Variants in BPNT1 observed in about 807,000 individuals in gnomAD.
The protein encoded by BPNT1 is 3'(2'),5'-bisphosphate nucleotidase 1.
BPNT1 carries 28 observed loss-of-function variants against 36.9 expected under a neutral mutation model. The ratio of observed to expected loss-of-function variants is 0.76; its 90% confidence interval spans 0.56 to 1.04. BPNT1 has a LOEUF of 1.04. Among genes scored for constraint, BPNT1 ranks in the 50% least tolerant of loss-of-function variants. The probability of loss-of-function intolerance (pLI) is 0.00; values close to 1 mark genes in which losing one functional copy is unlikely to be tolerated. For missense variants in BPNT1, 313 were observed against 372.9 expected (o/e 0.84, Z 1.32); for synonymous variants, 119 against 130.9 (o/e 0.91, Z 0.62).
intron 1 of BPNT1, among the ~76,000 whole-genome samples, chr1:220,085,634 T>G (rs1355079510): frequency 6.6e-6 from 1 of 152,230 alleles, no homozygotes; most frequent in Non-Finnish European, 1.5e-5. Flanking sequence ...TAGGGCAGTG[T>G]TAAGGGCAAA....
chr1:220,073,635 G>T (rs1664280220), intron 3 of BPNT1, among the ~76,000 whole-genome samples: 2 of 152,046 alleles, frequency 1.3e-5, no homozygotes, highest in South Asian at 4.1e-4. Context: ...GGATAAGTAT[G>T]CAAATAAGCC....
chr1:220,063,551 T>C (rs1403499414), intron 6 of BPNT1, among the ~76,000 whole-genome samples: 1 of 152,192 alleles, frequency 6.6e-6, no homozygotes, highest in East Asian at 1.9e-4. Flanking sequence ...CTGAATTATC[T>C]AATGATCTCT....
At chr1:220,066,969 T>C (rs1228369711) in intron 6 of BPNT1, 3 of 152,308 alleles carry the variant, frequency 2.0e-5, no homozygotes, top group African/African-American at 7.2e-5. Flanking sequence ...AAGGAATAAA[T>C]TAAAAAATAT....
At chr1:220,063,071 G>A in intron 6 of BPNT1, 117 bp from the exon 7 acceptor site, 7 of 1,138,178 alleles carry the variant, frequency 6.2e-6, no homozygotes, top group Non-Finnish European at 8.8e-6. Context: ...CATGATAGCC[G>A]GGCGCGGTGG....
chr1:220,074,038 G>T lies in BPNT1; in HGVS notation c.154C>A (p.Arg52=), dbSNP rs975663071. The change falls in exon 3 of 9, where the codon CGA becomes AGA. Residue 52 remains arginine (R), a synonymous_variant. Transcript: ENST00000322067. ...CATDLQTKAD[R]LAQMSICSSL... is the part of the protein sequence containing the mutation. ...GAACATATGCTCATCTGTGCCAATC[G>T]GTCAGCTTTGGTCTGCAGGTCTGTT... The T allele has an allele frequency of 6.2e-7, 1 of 1,613,850 alleles. No homozygotes were observed. The highest frequency in any genetic ancestry group is 8.5e-7 in the Non-Finnish European group (1 of 1,179,970).
chr1:220,074,544 G>A (rs1418903162), intron 2 of BPNT1, among the ~76,000 whole-genome samples: 1 of 151,576 alleles, frequency 6.6e-6, no homozygotes, highest in Non-Finnish European at 1.5e-5. Flanking sequence ...TCACTGGGCT[G>A]GAGTACGGTG....
chr1:220,062,237 C>A (rs1663107109), intron 7 of BPNT1, among the ~76,000 whole-genome samples: 1 of 150,892 alleles, frequency 6.6e-6, no homozygotes, highest in African/African-American at 2.4e-5. Flanking sequence ...TGGTGTGCTG[C>A]ACCCATTAAC....
chr1:220,076,518 A>T (rs987795659), intron 2 of BPNT1, among the ~76,000 whole-genome samples: 1 of 145,532 alleles, frequency 6.9e-6, no homozygotes, highest in African/African-American at 2.6e-5. Flanking sequence ...AAAAAAAAAA[A>T]GGCAAAAAAA....
Position 220,057,877 on chromosome 1 carries a change from C to T in BPNT1, c.*967G>A. On this transcript the variant is annotated 3_prime_UTR_variant, in exon 9 of 9. Coordinates refer to ENST00000322067, the MANE Select transcript of BPNT1 (RefSeq NM_006085.6). Reference sequence around the variant, plus strand: ...AGTGAGATTCCAGAAAAAATTGTGCCCTAAAGAAATCTGGTTTAGGCCAGG... The same window carrying T: ...AGTGAGATTCCAGAAAAAATTGTGCTCTAAAGAAATCTGGTTTAGGCCAGG... 7.7e-7 allele frequency: 1 copy of T among 1,302,582 alleles called. No individual in the cohort carries two copies. The highest frequency in any genetic ancestry group is 1.0e-6 in the Non-Finnish European group (1 of 988,280). 80.7% of individuals were successfully genotyped at this position (1,302,582 alleles called of 1,614,324 possible).
At chr1:220,079,235 T>C (rs558655279) in intron 2 of BPNT1, among the ~76,000 whole-genome samples, 1 of 151,998 alleles carries the variant, frequency 6.6e-6, no homozygotes, top group African/African-American at 2.4e-5. Flanking sequence ...ATCTTGGACG[T>C]AGAAAGTCTG....
At chr1:220,060,656 A>G (rs570043289) in intron 7 of BPNT1, among the ~76,000 whole-genome samples, 27 of 152,346 alleles carry the variant, frequency 1.8e-4, no homozygotes, top group African/African-American at 6.5e-4. Context: ...TTTCACTACC[A>G]AAATACAAAC....
At chr1:220,061,756 C>A (rs1370620624) in intron 7 of BPNT1, among the ~76,000 whole-genome samples, 1 of 151,772 alleles carries the variant, frequency 6.6e-6, no homozygotes, top group Non-Finnish European at 1.5e-5. Context: ...ATTTGAGATA[C>A]CTGAGGGATG....
rs568363207 is a variant in BPNT1, at chr1:220,058,265, A to G, written c.*579T>C. 12 of 989,030 alleles carry G rather than the reference A, an allele frequency of 1.2e-5. No individual in the cohort carries two copies. The African/African-American group carries it at 1.6e-4, about 13-fold the overall frequency. 61.3% of individuals were successfully genotyped at this position (989,030 alleles called of 1,614,324 possible). A position where few individuals can be genotyped will look rare whatever the true frequency, so the allele number is the denominator to read the frequency against. ...TCAATTGGAACTAAAGCTTTTTCTC[A>G]TTTCTCCACCTAAATACAGGAAAAC... is the stretch of plus-strand genomic sequence containing the variant. On this transcript the variant is annotated 3_prime_UTR_variant, in exon 9 of 9. Coordinates refer to ENST00000322067, the MANE Select transcript of BPNT1 (RefSeq NM_006085.6).
At chr1:220,075,317 C>T (rs752005871) in intron 2 of BPNT1, among the ~76,000 whole-genome samples, 1 of 152,216 alleles carries the variant, frequency 6.6e-6, no homozygotes. Flanking sequence ...GCTGGGATTA[C>T]AGGTGTGAGC....
intron 5 of BPNT1, among the ~76,000 whole-genome samples, chr1:220,068,784 T>A (rs1464514477): frequency 6.6e-6 from 1 of 152,202 alleles, no homozygotes; most frequent in African/African-American, 2.4e-5. Flanking sequence ...CACTCTAGCC[T>A]GGGCAATGAG....
rs564476671 is a variant in BPNT1, at chr1:220,083,530, G to A, written c.-8-3676C>T. Among the ~76,000 whole-genome samples the A allele has an allele frequency of 2.6e-5, 4 of 151,656 alleles. No homozygotes were observed. In the East Asian group the frequency reaches 6.0e-4, roughly 23 times the overall value. On this transcript the variant is annotated intron_variant, in intron 1 of 8. Coordinates refer to ENST00000322067, the MANE Select transcript of BPNT1 (RefSeq NM_006085.6). ...GGGGTTTCACCATGTTAGCCAGGAT[G>A]GTCTCGATCTAACCTCATGATCCAC...
chr1:220,075,717 G>A (rs183223792), intron 2 of BPNT1, among the ~76,000 whole-genome samples: 39 of 152,246 alleles, frequency 2.6e-4, no homozygotes, highest in Middle Eastern at 3.4e-3. Flanking sequence ...CATAGTTCCA[G>A]ACATCATCAT....
At chr1:220,063,115 G>A (rs1228499411) in intron 6 of BPNT1, among the ~76,000 whole-genome samples, 161 bp from the exon 7 acceptor site, 4 of 152,164 alleles carry the variant, frequency 2.6e-5, no homozygotes, top group African/African-American at 9.7e-5. Context: ...TTGGGAGGCC[G>A]AGGCGGGCGG....
chr1:220,058,740 G>C lies in BPNT1; in HGVS notation c.*104C>G, dbSNP rs1171241264. 2 of 1,171,738 alleles carry C rather than the reference G, an allele frequency of 1.7e-6. No individual in the cohort carries two copies. The highest frequency in any genetic ancestry group is 4.8e-5 in the East Asian group (2 of 41,422). The allele number at this position is 1,171,738 out of a possible 1,614,324, so 72.6% of individuals were successfully genotyped here. A position where few individuals can be genotyped will look rare whatever the true frequency, so the allele number is the denominator to read the frequency against. The stretch of plus-strand genomic sequence containing the variant: ...GATGGGGTCTCACGATATTGCCCAG[G>C]CTGGTCTCAAACTCCTGAGCTCAAG... On this transcript the variant is annotated 3_prime_UTR_variant, in exon 9 of 9. Transcript: ENST00000322067.
Sources: gnomAD v4.1 joint callset for allele counts (sites outside exome capture counted in the v4.1 genomes callset) on GRCh38, gnomAD v4.1.1 for gene constraint, MANE v1.5 for transcripts, NCBI Gene and HGNC (gene_info 2026-07-23, HGNC 2026-07-21) for gene names.